CCNY: variants seen among roughly 807,000 people sequenced by gnomAD.
The protein encoded by CCNY is cyclin-Y.
A neutral mutation model predicts 42.8 loss-of-function variants in CCNY; 19 were observed. The ratio of observed to expected loss-of-function variants is 0.44; its 90% confidence interval spans 0.31 to 0.65. CCNY has a LOEUF of 0.65. Among genes scored for constraint, CCNY ranks in the 30% least tolerant of loss-of-function variants. The pLI, the probability that CCNY is intolerant of heterozygous loss-of-function variation, is 0.07. For synonymous variants in CCNY, 165 were observed against 162.7 expected, an observed-to-expected ratio of 1.01 and a Z score of -0.11; for missense variants, 370 against 437.3, an observed-to-expected ratio of 0.85 and a Z score of 1.37.
chr10:35,549,552 C>T (rs112893689), intron 7 of CCNY, among the ~76,000 whole-genome samples: 2 of 140,756 alleles, frequency 1.4e-5, no homozygotes, highest in South Asian at 2.3e-4. Flanking sequence ...CTACAGTGCT[C>T]GTGACCCTGC....
intron 8 of CCNY, among the ~76,000 whole-genome samples, chr10:35,560,909 G>A (rs1335029070): frequency 6.6e-6 from 1 of 152,178 alleles, no homozygotes; most frequent in African/African-American, 2.4e-5. Context: ...AGCCCTTTAT[G>A]GGGAGAGGAG....
intron 7 of CCNY, among the ~76,000 whole-genome samples, chr10:35,532,554 T>G (rs1276769466): frequency 6.6e-6 from 1 of 152,230 alleles, no homozygotes; most frequent in Non-Finnish European, 1.5e-5. Flanking sequence ...CTAAGTGTAT[T>G]TTTTAGCCTC....
chr10:35,494,915 A>G (rs1839977094), intron 2 of CCNY, among the ~76,000 whole-genome samples: 1 of 152,244 alleles, frequency 6.6e-6, no homozygotes. Context: ...TGGATTAAAC[A>G]GGTTGGGCCT....
chr10:35,514,623 A>T (rs1348392478), intron 3 of CCNY, among the ~76,000 whole-genome samples: 2 of 152,226 alleles, frequency 1.3e-5, no homozygotes, highest in African/African-American at 2.4e-5. Flanking sequence ...TTTGTGGCTT[A>T]TATTTTCTTA....
chr10:35,509,361 T>A (rs1473571929), intron 3 of CCNY, among the ~76,000 whole-genome samples: 9 of 152,152 alleles, frequency 5.9e-5, no homozygotes, highest in African/African-American at 1.9e-4. Flanking sequence ...CTGCAACCTC[T>A]GCCTTCCCGG....
chr10:35,404,372 G>A (rs1224147704), intron 1 of CCNY, among the ~76,000 whole-genome samples: 2 of 152,168 alleles, frequency 1.3e-5, no homozygotes, highest in Non-Finnish European at 2.9e-5. Context: ...GAGTTAGGGA[G>A]AGCTAGTGTG....
intron 1 of CCNY, among the ~76,000 whole-genome samples, chr10:35,339,688 GAGATATGACAT>G (rs1188088172): frequency 6.6e-6 from 1 of 152,176 alleles, no homozygotes; most frequent in Non-Finnish European, 1.5e-5. Context: ...TTAAATCACA[GAGATATGACAT>G]ATGTATCCAT....
Position 35,252,777 on chromosome 10 carries a change from A to G in CCNY, c.-9+2151A>G, listed in dbSNP as rs535995546. Among the ~76,000 whole-genome samples the G allele has an allele frequency of 1.2e-4, 18 of 152,204 alleles. No homozygotes were observed. The South Asian group carries it at 3.7e-3, about 32-fold the overall frequency. On this transcript the variant is annotated intron_variant, in intron 3 of 11. Transcript: ENST00000374706. Reference sequence around the variant, plus strand: ...GTTCCAACTGCATTGTTGTCATCCAAATGACTTTATTGAATAGCAGTTTTG... The same window carrying G: ...GTTCCAACTGCATTGTTGTCATCCAGATGACTTTATTGAATAGCAGTTTTG...
intron 3 of CCNY, among the ~76,000 whole-genome samples, chr10:35,308,424 C>A (rs1231691809): frequency 2.6e-5 from 4 of 152,056 alleles, no homozygotes; most frequent in Non-Finnish European, 4.4e-5. Context: ...TGGTAATGTG[C>A]ACCTGTAGTC....
At chr10:35,486,203 T>C (rs1435951696) in intron 2 of CCNY, among the ~76,000 whole-genome samples, 2 of 152,170 alleles carry the variant, frequency 1.3e-5, no homozygotes, top group Non-Finnish European at 2.9e-5. Flanking sequence ...TTCTCACAGG[T>C]GGGCAGCGGT....
At chr10:35,360,499 C>A (rs1242483850) in intron 1 of CCNY, among the ~76,000 whole-genome samples, 1 of 151,820 alleles carries the variant, frequency 6.6e-6, no homozygotes, top group Non-Finnish European at 1.5e-5. Flanking sequence ...TCAGGTTGGT[C>A]TTGAGCTCCT....
At chr10:35,394,526 C>A (rs779445699) in intron 1 of CCNY, among the ~76,000 whole-genome samples, 51 of 152,112 alleles carry the variant, frequency 3.4e-4, no homozygotes, top group Non-Finnish European at 6.8e-4. Flanking sequence ...GCTTAAGATC[C>A]TATCTGAAGT....
intron 2 of CCNY, among the ~76,000 whole-genome samples, chr10:35,494,687 A>G (rs1206821798): frequency 2.0e-5 from 3 of 152,250 alleles, no homozygotes; most frequent in Non-Finnish European, 4.4e-5. Context: ...TGTATTAAAG[A>G]ATTATTATAC....
intron 1 of CCNY, among the ~76,000 whole-genome samples, chr10:35,407,866 A>C (rs1183072182): frequency 6.6e-6 from 1 of 152,194 alleles, no homozygotes; most frequent in Non-Finnish European, 1.5e-5. Context: ...TGACCAAGGC[A>C]GACGTCCCCA....
chr10:35,434,724 C>T (rs774871615), intron 1 of CCNY, among the ~76,000 whole-genome samples: 57 of 152,152 alleles, frequency 3.7e-4, no homozygotes, highest in Non-Finnish European at 7.1e-4. Flanking sequence ...ATGACTTCCC[C>T]TGTTTGCCTT....
chr10:35,525,834 A>G (rs1840640992), intron 4 of CCNY, 130 bp from the exon 5 acceptor site: 10 of 690,426 alleles, frequency 1.4e-5, no homozygotes, highest in Non-Finnish European at 2.2e-5. Flanking sequence ...TGTGAATGAG[A>G]TGGGACTGTT....
chr10:35,567,392 A>T (rs1841593532), intron 9 of CCNY, among the ~76,000 whole-genome samples: 1 of 152,164 alleles, frequency 6.6e-6, no homozygotes, highest in African/African-American at 2.4e-5. Context: ...AGGAAAGGGG[A>T]CGGGGTGGTA....
intron 3 of CCNY, among the ~76,000 whole-genome samples, chr10:35,306,495 C>T (rs1017944554): frequency 3.3e-5 from 5 of 152,158 alleles, no homozygotes; most frequent in African/African-American, 9.7e-5. Flanking sequence ...CCAGCTTCTC[C>T]GAACAGAACT....
intron 5 of CCNY, among the ~76,000 whole-genome samples, chr10:35,527,968 T>A (rs568227101): frequency 6.6e-6 from 1 of 152,252 alleles, no homozygotes; most frequent in South Asian, 2.1e-4. Flanking sequence ...CTTTCCTGAG[T>A]CGTCTTAGCT....
Sources: gnomAD v4.1 joint callset for allele counts (sites outside exome capture counted in the v4.1 genomes callset) on GRCh38, gnomAD v4.1.1 for gene constraint, MANE v1.5 for transcripts, NCBI Gene and HGNC (gene_info 2026-07-23, HGNC 2026-07-21) for gene names.